STX18: variants seen among roughly 807,000 people sequenced by gnomAD.
The protein encoded by STX18 is syntaxin 18.
A neutral mutation model predicts 50.1 loss-of-function variants in STX18; 40 were observed. That is an observed-to-expected ratio of 0.80 (90% confidence interval 0.62 to 1.04). The LOEUF (loss-of-function observed/expected upper bound fraction) is 1.04, where lower values mean the gene tolerates loss of function less well. STX18 is among the 50% of genes least tolerant of loss of function. The pLI is 0.00. For missense variants in STX18, 410 were observed against 415.8 expected (o/e 0.99, Z 0.12); for synonymous variants, 158 against 151.8 (o/e 1.04, Z -0.30).
chr4:4,425,058 C>T (rs1725177312), intron 8 of STX18, 106 bp downstream of exon 8: 7 of 1,059,614 alleles, frequency 6.6e-6, no homozygotes, highest in Non-Finnish European at 1.0e-5. Context: ...GCTGCACCAG[C>T]CCAAGGGCCC....
chr4:4,534,804 T>C (rs928810246), intron 1 of STX18, among the ~76,000 whole-genome samples: 1 of 152,288 alleles, frequency 6.6e-6, no homozygotes, highest in Non-Finnish European at 1.5e-5. Context: ...GCTATCGCTC[T>C]GCTGCTACAG....
chr4:4,440,326 C>T (rs542901584), intron 5 of STX18, among the ~76,000 whole-genome samples: 2 of 152,252 alleles, frequency 1.3e-5, no homozygotes, highest in South Asian at 2.1e-4. Context: ...TATTTAATTT[C>T]GAATATCCCC....
chr4:4,485,547 T>C (rs562291522), intron 1 of STX18, among the ~76,000 whole-genome samples: 31 of 152,232 alleles, frequency 2.0e-4, no homozygotes, highest in African/African-American at 5.3e-4. Context: ...GGAGACATGA[T>C]GACAGTGAAA....
At chr4:4,488,842 C>T (rs1331407220) in intron 1 of STX18, among the ~76,000 whole-genome samples, 1 of 152,118 alleles carries the variant, frequency 6.6e-6, no homozygotes, top group African/African-American at 2.4e-5. Flanking sequence ...GTCAGCCTGG[C>T]TACCTCTAAT....
chr4:4,535,679 G>T (rs1731299295), intron 1 of STX18, among the ~76,000 whole-genome samples: 1 of 152,086 alleles, frequency 6.6e-6, no homozygotes, highest in South Asian at 2.1e-4. Flanking sequence ...TATTTAAAAA[G>T]AAATCTATAT....
At position 4,542,030 on chromosome 4, in the gene STX18, A is replaced by T. The variant is rs1209839619; in HGVS notation, c.-66T>A. 6.8e-7 allele frequency: 1 copy of T among 1,466,904 alleles called. No individual in the cohort carries two copies. Among genetic ancestry groups the T allele is most frequent in the Non-Finnish European group, 9.0e-7 (1 of 1,105,298 alleles). 90.9% of individuals were successfully genotyped at this position (1,466,904 alleles called of 1,614,324 possible). On this transcript the variant is annotated 5_prime_UTR_variant, in exon 1 of 11. Coordinates refer to ENST00000306200, the MANE Select transcript of STX18 (RefSeq NM_016930.4). ...TAAGCAGCCGGCGACCGCGGCGCGA[A>T]CCCGGCCGCTGAAGGACTGGTCCTG...
In STX18 at chr4:4,457,489, T is replaced by A; in HGVS notation, c.364A>T (p.Ile122Leu). ...QQLRTEAHKE[I>L]HSQQVKEHRT... ...TGCTCCTTCACTTGCTGGGAATGTA[T>A]CTCCTTGTGAGCTGTAACAGAAAAA... The change falls in exon 4 of 11, where the codon ATA (isoleucine) becomes TTA (leucine). Residue 122 changes from isoleucine to leucine, a missense_variant. Physicochemically the swap from Ile to Leu is conservative, Grantham distance 5. Coordinates refer to ENST00000306200, the MANE Select transcript of STX18 (RefSeq NM_016930.4). 4 of 1,613,942 alleles carry A rather than the reference T, an allele frequency of 2.5e-6. No homozygotes were observed. The highest frequency in any genetic ancestry group is 3.4e-6 in the Non-Finnish European group (4 of 1,179,912).
chr4:4,484,151 C>A (rs141311836), intron 1 of STX18, among the ~76,000 whole-genome samples: 2,573 of 152,298 alleles, frequency 0.017, 61 homozygotes, highest in African/African-American at 0.058. Context: ...TGTGAGCCAC[C>A]GTGCCCGGCC....
At chr4:4,511,833 A>G (rs1452251962) in intron 1 of STX18, among the ~76,000 whole-genome samples, 1 of 151,140 alleles carries the variant, frequency 6.6e-6, no homozygotes, top group Non-Finnish European at 1.5e-5. Context: ...AGGAGAGGAG[A>G]TTTGAAAAAT....
chr4:4,464,902 G>GTT (rs201963387), intron 2 of STX18, among the ~76,000 whole-genome samples: 2 of 144,186 alleles, frequency 1.4e-5, no homozygotes, highest in Non-Finnish European at 3.1e-5. Context: ...TTTTCGAAGC[G>GTT]TTTTTTTTTT....
chr4:4,501,127 A>C (rs1218402172), intron 1 of STX18, among the ~76,000 whole-genome samples: 1 of 152,208 alleles, frequency 6.6e-6, no homozygotes, highest in Non-Finnish European at 1.5e-5. Context: ...AATTTTTCAC[A>C]AGGACAAATT....
At chr4:4,470,651 T>G (rs1727863647) in intron 2 of STX18, among the ~76,000 whole-genome samples, 1 of 152,042 alleles carries the variant, frequency 6.6e-6, no homozygotes, top group Non-Finnish European at 1.5e-5. Context: ...TAAAGGGTAG[T>G]GAGAGAAGGC....
At chr4:4,470,639 T>C (rs912371942) in intron 2 of STX18, among the ~76,000 whole-genome samples, 1 of 152,152 alleles carries the variant, frequency 6.6e-6, no homozygotes, top group African/African-American at 2.4e-5. Context: ...AGACCTACTT[T>C]ATAAAGGGTA....
chr4:4,427,820 G>C (rs893090519), intron 7 of STX18, among the ~76,000 whole-genome samples: 2 of 152,208 alleles, frequency 1.3e-5, no homozygotes, highest in African/African-American at 4.8e-5. Context: ...ACTCAGGAGT[G>C]GGATCAGATG....
At chr4:4,422,428 G>A (rs184397258) in intron 9 of STX18, among the ~76,000 whole-genome samples, 11 of 152,112 alleles carry the variant, frequency 7.2e-5, no homozygotes, top group Admixed American at 2.6e-4. Flanking sequence ...TTAGCCAGGC[G>A]TGGTGGCATG....
intron 1 of STX18, among the ~76,000 whole-genome samples, chr4:4,519,666 A>C (rs1433624295): frequency 1.3e-5 from 2 of 152,206 alleles, no homozygotes; most frequent in Non-Finnish European, 2.9e-5. Context: ...GAGATTTTAA[A>C]AGGACGACTA....
At chr4:4,442,914 A>G (rs1258399151) in intron 5 of STX18, among the ~76,000 whole-genome samples, 1 of 152,228 alleles carries the variant, frequency 6.6e-6, no homozygotes, top group Non-Finnish European at 1.5e-5. Flanking sequence ...TGGCTTTTAA[A>G]CACATGAAAA....
intron 1 of STX18, among the ~76,000 whole-genome samples, chr4:4,527,813 TA>T (rs1205621647): frequency 6.8e-6 from 1 of 147,452 alleles, no homozygotes; most frequent in Non-Finnish European, 1.5e-5. Flanking sequence ...TGTTTTTATA[TA>T]TATATAATTT....
At chr4:4,505,891 C>T (rs1209615605) in intron 1 of STX18, among the ~76,000 whole-genome samples, 2 of 152,206 alleles carry the variant, frequency 1.3e-5, no homozygotes, top group Non-Finnish European at 2.9e-5. Flanking sequence ...CTTAGTAAGT[C>T]GGAGACCATG....
Sources: gnomAD v4.1 joint callset for allele counts (sites outside exome capture counted in the v4.1 genomes callset) on GRCh38, gnomAD v4.1.1 for gene constraint, MANE v1.5 for transcripts, NCBI Gene and HGNC (gene_info 2026-07-23, HGNC 2026-07-21) for gene names.